The following CLEC16A variants were observed in gnomAD, a reference collection of about 807,000 sequenced individuals.
CLEC16A encodes the protein protein CLEC16A.
In CLEC16A, 51 loss-of-function variants were observed where a neutral mutation model predicts 109.5. The observed-to-expected ratio is 0.47, with a 90% CI of 0.37 to 0.59. The LOEUF (loss-of-function observed/expected upper bound fraction) is 0.59. Ranked by LOEUF, CLEC16A falls within the 20% of genes least tolerant of loss-of-function variation. CLEC16A has a pLI of 0.00. For missense variants in CLEC16A, 1,339 were observed against 1,394.0 expected, an observed-to-expected ratio of 0.96 and a Z score of 0.63; for synonymous variants, 673 against 564.2, an observed-to-expected ratio of 1.19 and a Z score of -2.73.
intron 1 of CLEC16A, among the ~76,000 whole-genome samples, chr16:10,957,144 A>G (rs924378237): frequency 2.0e-5 from 3 of 152,170 alleles, no homozygotes; most frequent in Non-Finnish European, 4.4e-5. Context: ...AGCAAATAAG[A>G]CCATTGCCCT....
intron 19 of CLEC16A, among the ~76,000 whole-genome samples, chr16:11,085,024 CAG>C (rs1213526370): frequency 1.3e-5 from 2 of 152,192 alleles, no homozygotes; most frequent in Non-Finnish European, 2.9e-5. Context: ...AGCCCTTTTG[CAG>C]AGAGAGAGTC....
At chr16:10,968,107 T>G (rs2042600816) in intron 3 of CLEC16A, among the ~76,000 whole-genome samples, 1 of 152,208 alleles carries the variant, frequency 6.6e-6, no homozygotes, top group African/African-American at 2.4e-5. Context: ...GGTGAGCTGG[T>G]GCAGCACTCA....
chr16:11,137,642 C>T (rs950675012), intron 22 of CLEC16A, among the ~76,000 whole-genome samples: 1 of 146,208 alleles, frequency 6.8e-6, no homozygotes. Flanking sequence ...AATCCCATCT[C>T]TACTAAAAAT....
At chr16:11,137,763 C>T (rs931371023) in intron 22 of CLEC16A, among the ~76,000 whole-genome samples, 104 of 151,644 alleles carry the variant, frequency 6.9e-4, no homozygotes, top group Non-Finnish European at 1.2e-3. Context: ...GAACCAAGGT[C>T]GCACCACTGC....
intron 22 of CLEC16A, among the ~76,000 whole-genome samples, chr16:11,148,347 G>A (rs1235221456): frequency 6.6e-6 from 1 of 152,182 alleles, no homozygotes; most frequent in Admixed American, 6.5e-5. Flanking sequence ...AGGGCTAGTT[G>A]TGGCCTTTTT....
intron 19 of CLEC16A, among the ~76,000 whole-genome samples, chr16:11,076,225 C>G (rs779800615): frequency 2.0e-4 from 31 of 152,298 alleles, no homozygotes; most frequent in African/African-American, 1.9e-4. Context: ...TGTGTGCCCC[C>G]CATCTGCTCC....
At chr16:11,119,272 G>A (rs2052227580) in intron 19 of CLEC16A, among the ~76,000 whole-genome samples, 2 of 152,176 alleles carry the variant, frequency 1.3e-5, no homozygotes, top group Non-Finnish European at 2.9e-5. Context: ...CAGAGTGCTG[G>A]AATTACAGGC....
At chr16:10,969,392 C>G (rs2042671197) in intron 4 of CLEC16A, 83 bp downstream of exon 4, 2 of 952,064 alleles carry the variant, frequency 2.1e-6, no homozygotes, top group South Asian at 3.3e-5. Flanking sequence ...CGCCTTATAT[C>G]TGGATGGTCT....
At chr16:10,951,158 G>GAA in intron 1 of CLEC16A, among the ~76,000 whole-genome samples, 1 of 152,192 alleles carries the variant, frequency 6.6e-6, no homozygotes, top group East Asian at 1.9e-4. Flanking sequence ...CCTCGAGTGT[G>GAA]TTGGTTACAG....
intron 19 of CLEC16A, among the ~76,000 whole-genome samples, chr16:11,094,492 G>A (rs1476700339): frequency 6.6e-6 from 1 of 152,246 alleles, no homozygotes; most frequent in Admixed American, 6.5e-5. Context: ...AGGGGCAGCT[G>A]AGAGCCACAC....
intron 13 of CLEC16A, among the ~76,000 whole-genome samples, chr16:11,028,259 C>A (rs1475262135): frequency 6.6e-6 from 1 of 152,136 alleles, no homozygotes; most frequent in Admixed American, 6.5e-5. Flanking sequence ...GAGTCTAGTT[C>A]CAAGGAAAAA....
chr16:10,992,299 C>T (rs984334454), intron 10 of CLEC16A, among the ~76,000 whole-genome samples: 2 of 152,062 alleles, frequency 1.3e-5, no homozygotes, highest in Non-Finnish European at 2.9e-5. Context: ...CCCCTCCCTG[C>T]CCAGTCTCCT....
intron 22 of CLEC16A, among the ~76,000 whole-genome samples, chr16:11,164,673 A>C (rs1487678107): frequency 6.6e-6 from 1 of 152,250 alleles, no homozygotes; most frequent in Non-Finnish European, 1.5e-5. Flanking sequence ...TGTGGTCGCT[A>C]TGGCAACTGC....
At chr16:11,092,361 A>AACACACACACACACACACACAC (rs3030566) in intron 19 of CLEC16A, among the ~76,000 whole-genome samples, 76 of 132,536 alleles carry the variant, frequency 5.7e-4, no homozygotes, top group East Asian at 2.8e-3. Context: ...AACAAAAACA[A>AACACACACACACACACACACAC]ACACACACAC....
intron 20 of CLEC16A, among the ~76,000 whole-genome samples, chr16:11,121,537 C>T (rs376243206): frequency 6.6e-6 from 1 of 152,088 alleles, no homozygotes; most frequent in South Asian, 2.1e-4. Flanking sequence ...AAGTACCAAG[C>T]TGGGGCTTGG....
At chr16:11,111,089 G>A (rs759312245) in intron 19 of CLEC16A, among the ~76,000 whole-genome samples, 4 of 152,088 alleles carry the variant, frequency 2.6e-5, no homozygotes, top group Non-Finnish European at 5.9e-5. Flanking sequence ...CTGAGATGCA[G>A]CATGTAGCTT....
intron 19 of CLEC16A, among the ~76,000 whole-genome samples, chr16:11,063,449 C>G (rs892742197): frequency 4.6e-5 from 7 of 151,904 alleles, no homozygotes; most frequent in African/African-American, 1.7e-4. Context: ...TGACTGGAAG[C>G]TGGGCATGTT....
rs139847778 is a variant in CLEC16A, at chr16:11,063,483, A to C, written c.2116+2461A>C. ...TTTTTGTCTCCCTGATGAACTTGAG[A>C]AAGCTGACTCCGGGAGAAATGTTAG... On this transcript the variant is annotated intron_variant, in intron 19 of 23. Coordinates refer to ENST00000409790, the MANE Select transcript of CLEC16A (RefSeq NM_015226.3). Among the ~76,000 whole-genome samples the C allele has an allele frequency of 1.8e-3, 279 of 151,964 alleles. 1 individual carries two copies. Among genetic ancestry groups the C allele is most frequent in the African/African-American group, 6.3e-3 (260 of 41,470 alleles).
In CLEC16A at chr16:11,123,863, A is replaced by G; in HGVS notation, c.2390A>G (p.Asp797Gly). The G allele has an allele frequency of 6.2e-7, 1 of 1,613,942 alleles. No individual in the cohort carries two copies. Among genetic ancestry groups the G allele is most frequent in the Admixed American group, 1.7e-5 (1 of 60,022 alleles). Residue 797 changes from aspartate to glycine, a missense_variant, in exon 21 of 24, where the codon GAC becomes GGC. Coordinates refer to ENST00000409790, the MANE Select transcript of CLEC16A (RefSeq NM_015226.3). ...CTCCAGGCCACCTTCATCTTCTCAG[A>G]CCACATCCGCTGCATCATCGCCAAG... ...PILQATFIFS[D>G]HIRCIIAKQR...
Sources: gnomAD v4.1 joint callset for allele counts (sites outside exome capture counted in the v4.1 genomes callset) on GRCh38, gnomAD v4.1.1 for gene constraint, MANE v1.5 for transcripts, NCBI Gene and HGNC (gene_info 2026-07-23, HGNC 2026-07-21) for gene names.